Variants in MFN2 observed in about 807,000 individuals in gnomAD.
MFN2 encodes the protein mitofusin 2, also known as mitofusin-2.
In MFN2, 43 loss-of-function variants were observed where a neutral mutation model predicts 87.5. The ratio of observed to expected loss-of-function variants is 0.49; its 90% CI spans 0.38 to 0.63. The LOEUF is 0.63. Among genes scored for constraint, MFN2 ranks in the 30% least tolerant of loss-of-function variants. The probability of loss-of-function intolerance (pLI) is 0.00; values close to 1 mark genes in which losing one functional copy is unlikely to be tolerated. For synonymous variants in MFN2, 337 were observed against 359.9 expected (o/e 0.94, Z 0.72); for missense variants, 743 against 972.8 (o/e 0.76, Z 3.14).
At chr1:11,989,052 A>G (rs1337432654) in intron 2 of MFN2, 113 bp from the exon 3 acceptor site, 17 of 1,188,588 alleles carry the variant, frequency 1.4e-5, no homozygotes, top group Non-Finnish European at 2.0e-5. Flanking sequence ...TGGAGGTTGC[A>G]GTGACCTGAG....
At chr1:12,010,409 C>G (rs1639642543) in intron 18 of MFN2, among the ~76,000 whole-genome samples, 2 of 152,186 alleles carry the variant, frequency 1.3e-5, no homozygotes, top group African/African-American at 4.8e-5. Flanking sequence ...ACTTGTCTGG[C>G]ATCTCAAAAA....
In MFN2 at chr1:12,002,090, G is replaced by T. The variant is rs1639202977; in HGVS notation, c.1147G>T (p.Ala383Ser). Residue 383 changes from alanine to serine, a missense_variant, in exon 11 of 19, where the codon GCT becomes TCT. By Grantham distance (99) the Ala-to-Ser change is moderately conservative (BLOSUM62 1). This residue lies in a region of MFN2 where 571 missense variants were observed against 670.7 expected (regional missense o/e 0.85). Coordinates refer to ENST00000235329, the MANE Select transcript of MFN2 (RefSeq NM_014874.4). The part of the protein sequence containing the change: ...RLIMDSLHMA[A>S]REQQVYCEEM... ...CATCATGGACTCCCTGCACATGGCG[G>T]CTCGGGAGCAGCAGTAAGAGTCCAA... 1.2e-6 allele frequency: 2 copies of T among 1,614,132 alleles called. No individual in the cohort carries two copies. The highest frequency in any genetic ancestry group is 3.3e-5 in the Admixed American group (2 of 60,010).
chr1:12,003,904 A>G lies in MFN2; in HGVS notation c.1161-88A>G. On this transcript the variant is annotated intron_variant, in intron 11 of 18. Coordinates refer to ENST00000235329, the MANE Select transcript of MFN2 (RefSeq NM_014874.4). This position sits in a 1 kb window ranked among gnomAD's most constrained non-coding sequence, Gnocchi z 4.1. ...AGCCCTGCCAGGCAAGATAGCGGGC[A>G]GGGCGGCGTGGGATTTCTGGCATCC... 37 of 1,565,480 alleles carry G rather than the reference A, an allele frequency of 2.4e-5. No homozygotes were observed. Among genetic ancestry groups the G allele is most frequent in the Non-Finnish European group, 3.3e-5 (37 of 1,138,206 alleles).
At position 11,989,985 on chromosome 1, in the gene MFN2, G is replaced by A. The variant is rs140239258; in HGVS notation, c.175+642G>A. Among the ~76,000 whole-genome samples, 457 of 152,276 alleles carry A rather than the reference G, an allele frequency of 3.0e-3. 2 individuals carry two copies. Among genetic ancestry groups the A allele is most frequent in the African/African-American group, 0.011 (437 of 41,548 alleles). ...TCCCTCTTTAGAAGGACACTTTGGC[G>A]CCAGGTCCTGAGATTGTCTGTGGAG... On this transcript the variant is annotated intron_variant, in intron 3 of 18. Transcript: ENST00000235329.
chr1:11,994,074 T>G (rs1434953525), intron 4 of MFN2, among the ~76,000 whole-genome samples: 4 of 152,208 alleles, frequency 2.6e-5, no homozygotes, highest in Non-Finnish European at 5.9e-5. Context: ...GTTTAACATG[T>G]GATAACCATG....
Position 12,004,792 on chromosome 1 carries a change from A to G in MFN2, c.1393-33A>G, listed in dbSNP as rs1466678451. On this transcript the variant is annotated intron_variant, in intron 13 of 18. Transcript: ENST00000235329. This position sits in a 1 kb window ranked among gnomAD's most constrained non-coding sequence, Gnocchi z 4.2. ...TGGCCTGAAGGGAATTTTGATGGACATGCTTCTCTTAACTTCCCTCTTCTG... is the reference window on the plus strand; with the variant it reads ...TGGCCTGAAGGGAATTTTGATGGACGTGCTTCTCTTAACTTCCCTCTTCTG... 6.2e-7 allele frequency: 1 copy of G among 1,601,510 alleles called. No homozygotes were observed.
intron 2 of MFN2, among the ~76,000 whole-genome samples, chr1:11,988,447 T>C (rs187134877): frequency 1.3e-5 from 2 of 148,496 alleles, no homozygotes; most frequent in Admixed American, 1.4e-4. Context: ...CTACATTGCC[T>C]AGGCTTGTCT....
At chr1:12,008,198 T>C (rs1639506839) in intron 17 of MFN2, among the ~76,000 whole-genome samples, 1 of 152,258 alleles carries the variant, frequency 6.6e-6, no homozygotes, top group Non-Finnish European at 1.5e-5. Context: ...TTTCCCCACA[T>C]TTCCCCCTTT....
At position 11,999,064 on chromosome 1, in the gene MFN2, C is replaced by T. The variant is rs949501949; in HGVS notation, c.785C>T (p.Ala262Val). ...TTCATCCTGAACAACCGCTGGGATG[C>T]ATCTGCCTCAGAGCCCGAGTACATG... is the stretch of plus-strand genomic sequence containing the variant. ...NIFILNNRWD[A>V]SASEPEYMEE... is the part of the protein sequence containing the mutation. The change falls in exon 8 of 19, where the codon GCA (alanine) becomes GTA (valine). Residue 262 changes from alanine to valine, a missense_variant. Around this residue, in one of 3 missense-constraint regions of MFN2, gnomAD observed 571 missense variants for 670.7 expected, o/e 0.85. Coordinates refer to ENST00000235329, the MANE Select transcript of MFN2 (RefSeq NM_014874.4). The T allele has an allele frequency of 6.2e-7, 1 of 1,614,220 alleles. No individual in the cohort carries two copies. The highest frequency in any genetic ancestry group is 1.3e-5 in the African/African-American group (1 of 75,058).
rs138072432 is a variant in MFN2 at position 12,004,030 on chromosome 1, G to A, written c.1199G>A (p.Arg400Gln). The change falls in exon 12 of 19, where the codon CGA (arginine) becomes CAA (glutamine). Residue 400 changes from arginine to glutamine, a missense_variant. By Grantham distance (43) the Arg-to-Gln change is conservative. Coordinates refer to ENST00000235329, the MANE Select transcript of MFN2 (RefSeq NM_014874.4). This position sits in a 1 kb window ranked among gnomAD's most constrained non-coding sequence, Gnocchi z 4.2. ...CEEMREERQD[R>Q]LKFIDKQLEL... The stretch of plus-strand genomic sequence containing the variant: ...GAAATGCGTGAAGAGCGGCAAGACC[G>A]ACTGAAATTTATTGACAAACAGCTG... 51 of 1,614,220 alleles carry A rather than the reference G, an allele frequency of 3.2e-5. No individual in the cohort carries two copies. In the African/African-American group the frequency reaches 3.6e-4, roughly 11 times the overall value.
chr1:12,000,759 T>C (rs1255971330), intron 8 of MFN2, among the ~76,000 whole-genome samples: 2 of 152,176 alleles, frequency 1.3e-5, no homozygotes, highest in Non-Finnish European at 2.9e-5. Context: ...AGAGTATAGG[T>C]CCCAGATTTA....
At position 11,999,083 on chromosome 1, in the gene MFN2, G is replaced by A; in HGVS notation, c.804G>A (p.Glu268=). Residue 268 remains glutamate (E), a synonymous_variant, in exon 8 of 19, where the codon GAG becomes GAA. Coordinates refer to ENST00000235329, the MANE Select transcript of MFN2 (RefSeq NM_014874.4). The part of the protein sequence containing the change: ...NRWDASASEP[E]YMEEVRRQHM... Reference sequence around the variant, plus strand: ...GGGATGCATCTGCCTCAGAGCCCGAGTACATGGAGGAGGTTCGTGCTTCTG... The same window carrying A: ...GGGATGCATCTGCCTCAGAGCCCGAATACATGGAGGAGGTTCGTGCTTCTG... The A allele has an allele frequency of 3.1e-6, 5 of 1,614,204 alleles. No individual in the cohort carries two copies. Among genetic ancestry groups the A allele is most frequent in the Middle Eastern group, 3.3e-4 (2 of 6,062 alleles).
chr1:12,010,449 T>G (rs1240110105), intron 18 of MFN2, among the ~76,000 whole-genome samples: 1 of 152,118 alleles, frequency 6.6e-6, no homozygotes, highest in African/African-American at 2.4e-5. Flanking sequence ...AGCCCAGGTG[T>G]ACTTGGCTCC....
At position 12,002,004 on chromosome 1, in the gene MFN2, T is replaced by G. The variant is rs1057518235; in HGVS notation, c.1061T>G (p.Val354Gly). 6.2e-7 allele frequency: 1 copy of G among 1,614,160 alleles called. No homozygotes were observed. Among genetic ancestry groups the G allele is most frequent in the Non-Finnish European group, 8.5e-7 (1 of 1,180,040 alleles). ...CAGGAGTGCATCTCCCAGTCTGCAG[T>G]GAAGACCAAGTTTGAGCAGCACACG... ...RFEECISQSAVKTKFEQHTVR... is the reference protein window; with the variant it reads ...RFEECISQSAGKTKFEQHTVR... Residue 354 changes from valine (V) to glycine (G), a missense_variant, in exon 11 of 19, where the codon GTG (valine) becomes GGG (glycine). Around this residue, in one of 3 missense-constraint regions of MFN2, gnomAD observed 571 missense variants for 670.7 expected, o/e 0.85. Coordinates refer to ENST00000235329, the MANE Select transcript of MFN2 (RefSeq NM_014874.4).
chr1:12,004,052 G>C lies in MFN2; in HGVS notation c.1221G>C (p.Gln407His). The C allele has an allele frequency of 6.2e-7, 1 of 1,614,208 alleles. No individual in the cohort carries two copies. The highest frequency in any genetic ancestry group is 8.5e-7 in the Non-Finnish European group (1 of 1,180,038). ...RQDRLKFIDK[Q>H]LELLAQDYKL... is the part of the protein sequence containing the mutation. Reference sequence around the variant, plus strand: ...ACCGACTGAAATTTATTGACAAACAGCTGGAGCTCTTGGCTCAAGACTATA... The same window carrying C: ...ACCGACTGAAATTTATTGACAAACACCTGGAGCTCTTGGCTCAAGACTATA... Residue 407 changes from glutamine to histidine, a missense_variant, in exon 12 of 19, where the codon CAG (glutamine) becomes CAC (histidine). By Grantham distance (24) the Gln-to-His change is conservative. Coordinates refer to ENST00000235329, the MANE Select transcript of MFN2 (RefSeq NM_014874.4). This position sits in a 1 kb window ranked among gnomAD's most constrained non-coding sequence, Gnocchi z 4.2.
intron 2 of MFN2, among the ~76,000 whole-genome samples, chr1:11,986,747 T>TTGG (rs1292866277): frequency 9.2e-5 from 14 of 151,950 alleles, no homozygotes; most frequent in Non-Finnish European, 2.1e-4. Flanking sequence ...CCTGCCACCA[T>TTGG]GCCTGGCTAA....
intron 4 of MFN2, among the ~76,000 whole-genome samples, chr1:11,994,673 C>T (rs112289007): frequency 1.7e-4 from 26 of 152,326 alleles, no homozygotes; most frequent in African/African-American, 6.3e-4. Flanking sequence ...GGAATAGGCA[C>T]TGTGCCTAGA....
chr1:12,009,569 G>C (rs771536582), intron 17 of MFN2, 23 bp from the exon 18 acceptor site: 1 of 1,612,774 alleles, frequency 6.2e-7, no homozygotes, highest in Non-Finnish European at 8.5e-7. Context: ...ACCCCAACTG[G>C]GTCCCTTCTC....
In MFN2 at chr1:12,011,853, T is replaced by G. The variant is rs200079179; in HGVS notation, c.*288T>G. ...TGAGGCTTTTTCCAGCTTTCTCTGG[T>G]TCATTTGATTGCTTGATAAGGCCTC... On this transcript the variant is annotated 3_prime_UTR_variant, in exon 19 of 19. Coordinates refer to ENST00000235329, the MANE Select transcript of MFN2 (RefSeq NM_014874.4). The G allele has an allele frequency of 7.7e-6, 4 of 518,016 alleles. No homozygotes were observed. In the East Asian group the frequency reaches 1.4e-4, roughly 18 times the overall value. The allele number at this position is 518,016 out of a possible 1,614,324, so 32.1% of individuals were successfully genotyped here. A position where few individuals can be genotyped will look rare whatever the true frequency, so the allele number is the denominator to read the frequency against.
Sources: allele counts gnomAD v4.1 joint callset (sites outside exome capture counted in the v4.1 genomes callset), GRCh38; gene constraint gnomAD v4.1.1; regional missense constraint gnomAD v4.1.1; non-coding constraint Gnocchi (gnomAD v3.1); transcripts MANE v1.5; gene names NCBI Gene and HGNC (gene_info 2026-07-23, HGNC 2026-07-21).